The following GABRB3 variants were observed in gnomAD, a reference collection of about 807,000 sequenced individuals.
GABRB3 encodes gamma-aminobutyric acid type A receptor subunit beta3.
Under a neutral mutation model 52.1 loss-of-function variants are expected in GABRB3, and 14 were observed. The observed-to-expected ratio is 0.27, with a 90% CI of 0.18 to 0.42. The LOEUF (loss-of-function observed/expected upper bound fraction) is 0.42. GABRB3 is among the 10% of genes least tolerant of loss of function. The probability of loss-of-function intolerance (pLI) is 1.00; values close to 1 mark genes in which losing one functional copy is unlikely to be tolerated. For missense variants in GABRB3, 307 were observed against 609.1 expected (o/e 0.50, Z 5.22); for synonymous variants, 260 against 232.3 (o/e 1.12, Z -1.08).
At chr15:26,617,780 C>G (rs968534036) in intron 4 of GABRB3, among the ~76,000 whole-genome samples, 11 of 152,022 alleles carry the variant, frequency 7.2e-5, no homozygotes, top group Non-Finnish European at 1.2e-4. Flanking sequence ...TGTCTCAGCC[C>G]AAAATCTCCT....
chr15:26,701,010 G>A (rs570092522), intron 3 of GABRB3, among the ~76,000 whole-genome samples: 5 of 151,822 alleles, frequency 3.3e-5, no homozygotes, highest in Admixed American at 2.0e-4. Context: ...AGCCGAGATC[G>A]CACCACTGCA....
At chr15:26,644,979 C>T (rs1291503404) in intron 3 of GABRB3, among the ~76,000 whole-genome samples, 1 of 152,174 alleles carries the variant, frequency 6.6e-6, no homozygotes, top group Middle Eastern at 3.2e-3. Flanking sequence ...CTTAGTGGCT[C>T]GTTCCTCTAA....
At chr15:26,770,955 C>A (rs993637641) in intron 3 of GABRB3, among the ~76,000 whole-genome samples, 8 of 152,110 alleles carry the variant, frequency 5.3e-5, no homozygotes, top group South Asian at 2.1e-4. Context: ...GTGTTCCTTG[C>A]TAACACTTTT....
At chr15:26,616,475 T>A (rs1186177919) in intron 4 of GABRB3, among the ~76,000 whole-genome samples, 6 of 152,136 alleles carry the variant, frequency 3.9e-5, no homozygotes, top group Non-Finnish European at 8.8e-5. Context: ...ATGAAGAATG[T>A]GGTGGTCAGT....
intron 3 of GABRB3, among the ~76,000 whole-genome samples, chr15:26,731,953 C>A (rs1007434968): frequency 6.6e-6 from 1 of 152,160 alleles, no homozygotes; most frequent in Admixed American, 6.5e-5. Flanking sequence ...CAGCTTCTCA[C>A]AGATAGGTGA....
intron 3 of GABRB3, among the ~76,000 whole-genome samples, chr15:26,754,217 G>A (rs535659334): frequency 6.6e-6 from 1 of 152,162 alleles, no homozygotes; most frequent in Non-Finnish European, 1.5e-5. Flanking sequence ...AAGAGCAGAA[G>A]GAAGAGTAAG....
At chr15:26,731,488 T>C (rs1015607436) in intron 3 of GABRB3, among the ~76,000 whole-genome samples, 3 of 152,180 alleles carry the variant, frequency 2.0e-5, no homozygotes, top group African/African-American at 7.2e-5. Context: ...TTCTTTCTGG[T>C]ACCCACATGG....
intron 3 of GABRB3, among the ~76,000 whole-genome samples, chr15:26,759,634 G>GC (rs1226677118): frequency 6.6e-6 from 1 of 152,154 alleles, no homozygotes; most frequent in Admixed American, 6.5e-5. Flanking sequence ...CTGGCTCCTC[G>GC]CCCCACACTG....
chr15:26,742,736 C>T (rs1245462561), intron 3 of GABRB3, among the ~76,000 whole-genome samples: 1 of 152,116 alleles, frequency 6.6e-6, no homozygotes, highest in Admixed American at 6.5e-5. Flanking sequence ...TAAGGAAAGT[C>T]CTGTAATTCA....
chr15:26,554,176 G>T (rs1423152046), intron 8 of GABRB3, among the ~76,000 whole-genome samples: 1 of 27,342 alleles, frequency 3.7e-5, no homozygotes, highest in African/African-American at 1.1e-4. Flanking sequence ...TATATATAAA[G>T]TATATATATA....
intron 3 of GABRB3, among the ~76,000 whole-genome samples, chr15:26,717,221 G>C (rs1187351131): frequency 2.1e-5 from 3 of 145,032 alleles, no homozygotes. Flanking sequence ...TCCACTCAAT[G>C]ACAACCTAGC....
At chr15:26,574,299 C>T (rs999144320) in intron 6 of GABRB3, among the ~76,000 whole-genome samples, 2 of 152,108 alleles carry the variant, frequency 1.3e-5, no homozygotes, top group Admixed American at 1.3e-4. Flanking sequence ...TTGGAACCCT[C>T]CTATACTTCC....
At chr15:26,713,522 G>A (rs568316132) in intron 3 of GABRB3, among the ~76,000 whole-genome samples, 10 of 152,204 alleles carry the variant, frequency 6.6e-5, no homozygotes, top group African/African-American at 9.6e-5. Context: ...AGAGGCTACC[G>A]GGATGATCCA....
At chr15:26,748,451 G>A (rs551597544) in intron 3 of GABRB3, among the ~76,000 whole-genome samples, 1 of 152,042 alleles carries the variant, frequency 6.6e-6, no homozygotes, top group African/African-American at 2.4e-5. Flanking sequence ...AGTAACTTTT[G>A]TTTTTTAAGG....
chr15:26,606,768 C>CGATAGATAGA (rs768804640), intron 4 of GABRB3, among the ~76,000 whole-genome samples: 19,494 of 89,568 alleles, frequency 0.22, 1,833 homozygotes, highest in Non-Finnish European at 0.24. Flanking sequence ...ATCTGTCTAT[C>CGATAGATAGA]TATAGATAGA....
At chr15:26,596,392 C>T (rs1891397097) in intron 4 of GABRB3, among the ~76,000 whole-genome samples, 1 of 152,072 alleles carries the variant, frequency 6.6e-6, no homozygotes, top group Non-Finnish European at 1.5e-5. Context: ...ATGACATCTT[C>T]CTGAAAAACA....
rs765080290 is a variant in GABRB3, at chr15:26,567,744, C to G, written c.683-11G>C. 4.3e-6 allele frequency: 7 copies of G among 1,613,506 alleles called. No individual in the cohort carries two copies. Among genetic ancestry groups the G allele is most frequent in the South Asian group, 1.1e-5 (1 of 91,076 alleles). On this transcript the variant is annotated splice_polypyrimidine_tract_variant and intron_variant, in intron 6 of 8. Transcript: ENST00000311550. The stretch of plus-strand genomic sequence containing the variant: ...GTCGAGGATAGGCACCTATGGGAAA[C>G]AGACAAGGATATTACACTGGAGAAA...
Position 26,545,159 on chromosome 15 carries a change from GTTTTT to G in GABRB3, c.*2629_*2633del, listed in dbSNP as rs772628324. ...AACACATACCCAAGGATCTTAAAAAGTTTTTTTTTGTTTTTACAGAATATATGTAT... is the reference window on the plus strand; with the variant it reads ...AACACATACCCAAGGATCTTAAAAAGTTTTGTTTTTACAGAATATATGTAT... On this transcript the variant is annotated 3_prime_UTR_variant, in exon 9 of 9. Coordinates refer to ENST00000311550, the MANE Select transcript of GABRB3 (RefSeq NM_000814.6). 6.6e-6 allele frequency: 1 copy of G among 150,854 alleles called. No homozygotes were observed. Among genetic ancestry groups the G allele is most frequent in the African/African-American group, 2.5e-5 (1 of 40,740 alleles). 9.3% of individuals were successfully genotyped at this position (150,854 alleles called of 1,614,324 possible).
intron 3 of GABRB3, among the ~76,000 whole-genome samples, chr15:26,646,301 G>A (rs1318008862): frequency 6.6e-6 from 1 of 152,054 alleles, no homozygotes; most frequent in African/African-American, 2.4e-5. Context: ...TCAGATAAAC[G>A]GAATCATATA....
Sources: allele counts gnomAD v4.1 joint callset (sites outside exome capture counted in the v4.1 genomes callset), GRCh38; gene constraint gnomAD v4.1.1; transcripts MANE v1.5; gene names NCBI Gene and HGNC (gene_info 2026-07-23, HGNC 2026-07-21).